RNFT2: variants seen among roughly 807,000 people sequenced by gnomAD.
RNFT2 encodes the protein E3 ubiquitin-protein ligase RNFT2.
Under a neutral mutation model 53.0 loss-of-function variants are expected in RNFT2, and 36 were observed. That is an observed-to-expected ratio of 0.68 (90% CI 0.52 to 0.90). RNFT2 has a LOEUF of 0.90. Among genes scored for constraint, RNFT2 ranks in the 40% least tolerant of loss-of-function variants. RNFT2 has a pLI of 0.00. For synonymous variants in RNFT2, 260 were observed against 253.2 expected, an observed-to-expected ratio of 1.03 and a Z score of -0.26; for missense variants, 514 against 585.6, an observed-to-expected ratio of 0.88 and a Z score of 1.26.
chr12:116,748,569 T>C (rs1872021530), intron 3 of RNFT2: 1 of 362,928 alleles, frequency 2.8e-6, no homozygotes, highest in Non-Finnish European at 5.6e-6. Flanking sequence ...TGCAGAGGTA[T>C]AAGGCCCCTA....
rs993948136 is a variant in RNFT2, at chr12:116,822,334, GTCTCTCTCTCTGTCTC to G, written c.883-11444_883-11429del. Among the ~76,000 whole-genome samples, 5 of 151,988 alleles carry G rather than the reference GTCTCTCTCTCTGTCTC, an allele frequency of 3.3e-5. No individual in the cohort carries two copies. The South Asian group carries it at 6.2e-4, about 19-fold the overall frequency. ...AATGGCCCCAGGAGAAACAGGGTCT[GTCTCTCTCTCTGTCTC>G]TCTCTCTCTCTGTGGCAATTCCAGC... On this transcript the variant is annotated intron_variant, in intron 7 of 10. Coordinates refer to ENST00000257575, the MANE Select transcript of RNFT2 (RefSeq NM_001382266.1).
chr12:116,811,786 C>T (rs900242160), intron 7 of RNFT2, among the ~76,000 whole-genome samples: 1 of 152,228 alleles, frequency 6.6e-6, no homozygotes, highest in African/African-American at 2.4e-5. Context: ...CCCACCGAGG[C>T]TTTGCTGGCC....
At chr12:116,818,616 C>T (rs1394861789) in intron 7 of RNFT2, among the ~76,000 whole-genome samples, 1 of 152,182 alleles carries the variant, frequency 6.6e-6, no homozygotes, top group African/African-American at 2.4e-5. Context: ...GATGGCGACC[C>T]TGTCGGAGAG....
chr12:116,841,576 G>A (rs551805901), intron 10 of RNFT2, among the ~76,000 whole-genome samples: 72 of 149,182 alleles, frequency 4.8e-4, no homozygotes, highest in African/African-American at 1.5e-3. Context: ...GGTGAAGCCC[G>A]GTCTCTACTA....
At chr12:116,748,050 C>A (rs754478535) in intron 3 of RNFT2, among the ~76,000 whole-genome samples, 3 of 152,018 alleles carry the variant, frequency 2.0e-5, no homozygotes, top group Non-Finnish European at 4.4e-5. Context: ...ATTAGCCGCA[C>A]ATGATGGCAG....
intron 5 of RNFT2, chr12:116,755,809 A>G (rs1872483161): frequency 1.9e-6 from 3 of 1,556,964 alleles, no homozygotes; most frequent in Non-Finnish European, 2.6e-6. Flanking sequence ...GAACAACTCC[A>G]TGTTTTCTAA....
At position 116,741,098 on chromosome 12, in the gene RNFT2, G is replaced by C. The variant is rs1251092584; in HGVS notation, c.83+4G>C. The C allele has an allele frequency of 3.1e-6, 5 of 1,607,108 alleles. No homozygotes were observed. In the East Asian group the frequency reaches 1.1e-4, roughly 36 times the overall value. On this transcript the variant is annotated splice_donor_region_variant and intron_variant, in intron 3 of 10. Transcript: ENST00000257575. ...CGGATAACATTCCACCTGAAAGGTA[G>C]GCATCCCTGCTTCTGTTCCATCTGA...
chr12:116,753,574 CTT>C (rs1030131499), intron 4 of RNFT2, among the ~76,000 whole-genome samples: 5 of 152,170 alleles, frequency 3.3e-5, no homozygotes, highest in African/African-American at 9.7e-5. Flanking sequence ...GATCTAGAAG[CTT>C]TATCCCTCTA....
intron 5 of RNFT2, among the ~76,000 whole-genome samples, chr12:116,756,316 G>GT (rs1342327529): frequency 6.6e-6 from 1 of 150,750 alleles, no homozygotes; most frequent in Non-Finnish European, 1.5e-5. Flanking sequence ...GTTTTTTTTT[G>GT]TTTTTTGTTT....
chr12:116,846,523 C>T (rs1349088510), intron 10 of RNFT2, among the ~76,000 whole-genome samples: 5 of 146,536 alleles, frequency 3.4e-5, no homozygotes. Context: ...CTCCTGGCCT[C>T]GAGCCATCCT....
In RNFT2 at chr12:116,849,357, A is replaced by G; in HGVS notation, c.1244A>G (p.Glu415Gly). ...EECLCLWLDR[E>G]RTCPLCRSVA... ...TGCCTCTGCCTGTGGCTGGACCGTGAGCGCACCTGCCCGCTCTGCCGCTCG... is the reference window on the plus strand; with the variant it reads ...TGCCTCTGCCTGTGGCTGGACCGTGGGCGCACCTGCCCGCTCTGCCGCTCG... The change falls in exon 11 of 11, where the codon GAG (glutamate) becomes GGG (glycine). Residue 415 changes from glutamate to glycine, a missense_variant. Around this residue, in one of 3 missense-constraint regions of RNFT2, gnomAD observed 273 missense variants for 334.4 expected, o/e 0.82. Transcript: ENST00000257575. The G allele has an allele frequency of 6.5e-7, 1 of 1,546,592 alleles. No homozygotes were observed. Among genetic ancestry groups the G allele is most frequent in the Non-Finnish European group, 8.7e-7 (1 of 1,149,204 alleles).
chr12:116,797,428 C>T (rs56036824), intron 7 of RNFT2, among the ~76,000 whole-genome samples: 4,286 of 151,896 alleles, frequency 0.028, 155 homozygotes, highest in East Asian at 0.14. Context: ...GGTTTGGTGG[C>T]GTGTGCCTGT....
In RNFT2 at chr12:116,852,259, C is replaced by T; in HGVS notation, c.*2811C>T. ...AGTGGGCAGATTACCATGCAAGCCC[C>T]AGGAGAAATGGAGGAGCTTTGTAGC... On this transcript the variant is annotated 3_prime_UTR_variant, in exon 11 of 11. Coordinates refer to ENST00000257575, the MANE Select transcript of RNFT2 (RefSeq NM_001382266.1). The T allele has an allele frequency of 7.9e-7, 1 of 1,262,608 alleles. No homozygotes were observed. The highest frequency in any genetic ancestry group is 1.0e-6 in the Non-Finnish European group (1 of 1,002,616). The allele number at this position is 1,262,608 out of a possible 1,614,324, so 78.2% of individuals were successfully genotyped here. A position where few individuals can be genotyped will look rare whatever the true frequency, so the allele number is the denominator to read the frequency against.
intron 7 of RNFT2, among the ~76,000 whole-genome samples, chr12:116,832,393 G>A (rs969399510): frequency 6.6e-6 from 1 of 151,902 alleles, no homozygotes; most frequent in African/African-American, 2.4e-5. Flanking sequence ...CGAATCTCAG[G>A]CATTCATGTA....
intron 4 of RNFT2, among the ~76,000 whole-genome samples, chr12:116,750,837 TA>T (rs1872176817): frequency 2.1e-4 from 6 of 28,018 alleles, no homozygotes; most frequent in African/African-American, 4.8e-4. Flanking sequence ...ATAATATATA[TA>T]TTATATATAT....
chr12:116,750,171 G>T lies in RNFT2; in HGVS notation c.414G>T (p.Ser138=). Reference sequence around the variant, plus strand: ...TGGGTGGGGACCACCGGGGGCACTCGGAGGAGGGAGGCGACGAGCAGCCTG... The same window carrying T: ...TGGGTGGGGACCACCGGGGGCACTCTGAGGAGGGAGGCGACGAGCAGCCTG... The part of the protein sequence containing the change: ...QHVGGDHRGH[S]EEGGDEQPGT... Residue 138 remains serine (S), a synonymous_variant, in exon 4 of 11, where the codon TCG becomes TCT. Coordinates refer to ENST00000257575, the MANE Select transcript of RNFT2 (RefSeq NM_001382266.1). 1 of 1,594,566 alleles carries T rather than the reference G, an allele frequency of 6.3e-7. No homozygotes were observed.
At chr12:116,742,476 A>G (rs1871659103) in intron 3 of RNFT2, among the ~76,000 whole-genome samples, 1 of 151,972 alleles carries the variant, frequency 6.6e-6, no homozygotes, top group African/African-American at 2.4e-5. Context: ...TATGTTTCCC[A>G]GGCTAGTCTC....
rs1415448100 is a variant in RNFT2 at position 116,841,908 on chromosome 12, AAT to A, written c.1200+5636_1200+5637del. Among the ~76,000 whole-genome samples, 31 of 39,148 alleles carry A rather than the reference AAT, an allele frequency of 7.9e-4. 1 individual carries two copies. The highest frequency in any genetic ancestry group is 0.011 in the Middle Eastern group (1 of 92). 25.7% of individuals were successfully genotyped at this position (39,148 alleles called of 152,430 possible). ...ATATATATAAAAATATATATATATAAATATATATATAAAAATATATATATATA... is the reference window on the plus strand; with the variant it reads ...ATATATATAAAAATATATATATATAAATATATATAAAAATATATATATATA... On this transcript the variant is annotated intron_variant, in intron 10 of 10. Transcript: ENST00000257575.
chr12:116,811,131 C>T (rs1449414773), intron 7 of RNFT2, among the ~76,000 whole-genome samples: 2 of 152,012 alleles, frequency 1.3e-5, no homozygotes, highest in East Asian at 1.9e-4. Flanking sequence ...TGATGGCTCA[C>T]GCTACTCGGA....
Sources: gnomAD v4.1 joint callset for allele counts (sites outside exome capture counted in the v4.1 genomes callset) on GRCh38, gnomAD v4.1.1 for gene constraint, gnomAD v4.1.1 regional missense constraint, MANE v1.5 for transcripts, NCBI Gene and HGNC (gene_info 2026-07-23, HGNC 2026-07-21) for gene names.